Variants in AATF observed in about 807,000 individuals in gnomAD.
AATF encodes apoptosis antagonizing transcription factor, also known as protein AATF.
In AATF, 48 loss-of-function variants were observed where a neutral mutation model predicts 63.7. The observed-to-expected ratio is 0.75, with a 90% confidence interval of 0.60 to 0.96. The LOEUF is 0.96. Among genes scored for constraint, AATF ranks in the 40% least tolerant of loss-of-function variants. AATF has a pLI of 0.00. For synonymous variants in AATF, 258 were observed against 247.7 expected, an observed-to-expected ratio of 1.04 and a Z score of -0.39; for missense variants, 639 against 685.7, an observed-to-expected ratio of 0.93 and a Z score of 0.76.
chr17:37,001,395 A>AGGAGGGAGGGAGGGAG (rs71159677), intron 8 of AATF, among the ~76,000 whole-genome samples: 22 of 77,784 alleles, frequency 2.8e-4, no homozygotes, highest in Non-Finnish European at 2.1e-4. Flanking sequence ...AAGGTATGGG[A>AGGAGGGAGGGAGGGAG]GGAGGGAGGG....
chr17:36,988,686 A>G lies in AATF; in HGVS notation c.1115A>G (p.Asp372Gly). ...AACCGCACACTTCAGAAATGGCACG[A>G]TAAGACCAAACTGGCTTCTGGAAAA... is the stretch of plus-strand genomic sequence containing the variant. ...YRNRTLQKWH[D>G]KTKLASGKLG... Residue 372 changes from aspartate to glycine, a missense_variant, in exon 6 of 12, where the codon GAT (aspartate) becomes GGT (glycine). Asp to Gly is a moderately conservative substitution (Grantham distance 94). Coordinates refer to ENST00000619387, the MANE Select transcript of AATF (RefSeq NM_012138.4). The G allele has an allele frequency of 1.2e-6, 2 of 1,614,054 alleles. No individual in the cohort carries two copies. Among genetic ancestry groups the G allele is most frequent in the Non-Finnish European group, 1.7e-6 (2 of 1,179,962 alleles).
chr17:37,001,405 GAGGAAGGA>G (rs1212807271), intron 8 of AATF, among the ~76,000 whole-genome samples: 658 of 63,782 alleles, frequency 0.01, 11 homozygotes, highest in African/African-American at 0.037. Context: ...AGGAGGGAGG[GAGGAAGGA>G]AGGAAGGAAG....
At chr17:36,952,848 A>G in intron 2 of AATF, 38 bp from the exon 3 acceptor site, 1 of 1,595,240 alleles carries the variant, frequency 6.3e-7, no homozygotes, top group Non-Finnish European at 8.6e-7. Context: ...TCTCCAGGTA[A>G]TACCCATTTT....
intron 2 of AATF, 73 bp downstream of exon 2, chr17:36,950,478 C>T: frequency 7.0e-7 from 1 of 1,426,136 alleles, no homozygotes; most frequent in South Asian, 1.3e-5. Context: ...CGGTCATCCC[C>T]CATGATCTTT....
chr17:37,015,420 AG>A (rs1363970386), intron 8 of AATF, among the ~76,000 whole-genome samples: 1 of 152,162 alleles, frequency 6.6e-6, no homozygotes, highest in Non-Finnish European at 1.5e-5. Flanking sequence ...TTGTCTGGAG[AG>A]GGCTGCTGTC....
intron 11 of AATF, among the ~76,000 whole-genome samples, chr17:37,038,956 G>A (rs541467849): frequency 6.6e-6 from 1 of 152,242 alleles, no homozygotes; most frequent in Admixed American, 6.5e-5. Context: ...AGATGCCCTG[G>A]TATAATAGAA....
At chr17:36,958,205 C>G (rs2070917946) in intron 4 of AATF, among the ~76,000 whole-genome samples, 2 of 151,968 alleles carry the variant, frequency 1.3e-5, no homozygotes, top group Non-Finnish European at 2.9e-5. Flanking sequence ...CTCTGTCACC[C>G]AGGCTGGAGT....
chr17:36,953,814 G>A lies in AATF; in HGVS notation c.739G>A (p.Ala247Thr). ...LLEGRIKLQK[A>T]LLTTNQLPQP... ...GGAAGGAAGGATCAAACTACAAAAA[G>A]CTCTGTTGACCACCAACCAGCTTCC... is the stretch of plus-strand genomic sequence containing the variant. Residue 247 changes from alanine to threonine, a missense_variant, in exon 4 of 12, where the codon GCT becomes ACT. Coordinates refer to ENST00000619387, the MANE Select transcript of AATF (RefSeq NM_012138.4). The A allele has an allele frequency of 6.2e-7, 1 of 1,614,088 alleles. No homozygotes were observed. The highest frequency in any genetic ancestry group is 1.1e-5 in the South Asian group (1 of 91,082).
At chr17:37,023,201 A>G (rs2071486143) in intron 10 of AATF, among the ~76,000 whole-genome samples, 1 of 152,132 alleles carries the variant, frequency 6.6e-6, no homozygotes, top group Non-Finnish European at 1.5e-5. Context: ...TCATTTACTA[A>G]GTGGAGGTAA....
At chr17:36,976,806 A>G (rs945231793) in intron 4 of AATF, among the ~76,000 whole-genome samples, 2 of 152,240 alleles carry the variant, frequency 1.3e-5, no homozygotes, top group East Asian at 3.8e-4. Flanking sequence ...AAGAAACACA[A>G]TTAAAACAAT....
At chr17:36,981,480 G>A (rs994624253) in intron 4 of AATF, among the ~76,000 whole-genome samples, 9 of 149,970 alleles carry the variant, frequency 6.0e-5, no homozygotes, top group East Asian at 5.9e-4. Flanking sequence ...GTCTTGCTTC[G>A]TTACCCGGAC....
At chr17:36,990,424 TAAAG>T (rs1273370484) in intron 7 of AATF, among the ~76,000 whole-genome samples, 1 of 152,184 alleles carries the variant, frequency 6.6e-6, no homozygotes, top group Non-Finnish European at 1.5e-5. Context: ...GTGGAAGTGT[TAAAG>T]AAAATACACC....
At chr17:37,028,735 G>A (rs779703738) in intron 10 of AATF, among the ~76,000 whole-genome samples, 6 of 152,140 alleles carry the variant, frequency 3.9e-5, no homozygotes, top group Non-Finnish European at 8.8e-5. Context: ...GCAGTGAGCC[G>A]AGATAGCACC....
At chr17:37,039,911 G>A (rs922547472) in intron 11 of AATF, among the ~76,000 whole-genome samples, 1 of 152,204 alleles carries the variant, frequency 6.6e-6, no homozygotes, top group African/African-American at 2.4e-5. Context: ...TCTAGAAAGA[G>A]ATTTGTAGAT....
At chr17:37,009,416 A>AT (rs2071367983) in intron 8 of AATF, among the ~76,000 whole-genome samples, 1 of 151,196 alleles carries the variant, frequency 6.6e-6, no homozygotes, top group African/African-American at 2.4e-5. Flanking sequence ...AAGTACTAGG[A>AT]TTACAGGTGT....
chr17:37,031,513 TC>T, intron 10 of AATF, 100 bp from the exon 11 acceptor site: 1 of 971,346 alleles, frequency 1.0e-6, no homozygotes, highest in Non-Finnish European at 1.7e-6. Context: ...ACCCAGATGT[TC>T]CAGTGATCAG....
At chr17:37,028,498 G>A (rs1597732028) in intron 10 of AATF, among the ~76,000 whole-genome samples, 2 of 152,082 alleles carry the variant, frequency 1.3e-5, no homozygotes, top group South Asian at 4.2e-4. Flanking sequence ...AAAAAGTGAA[G>A]AATTAGACTG....
At chr17:37,011,745 T>C (rs1477742607) in intron 8 of AATF, among the ~76,000 whole-genome samples, 1 of 152,156 alleles carries the variant, frequency 6.6e-6, no homozygotes, top group Non-Finnish European at 1.5e-5. Context: ...TGTCAGTTGC[T>C]GCTTCAAGAA....
At chr17:36,950,184 T>C in intron 1 of AATF, 30 bp from the exon 2 acceptor site, 1 of 1,603,634 alleles carries the variant, frequency 6.2e-7, no homozygotes, top group Non-Finnish European at 8.5e-7. Flanking sequence ...AACCTGGAGA[T>C]TCTGTTTACT....
Sources: gnomAD v4.1 joint callset for allele counts (sites outside exome capture counted in the v4.1 genomes callset) on GRCh38, gnomAD v4.1.1 for gene constraint, MANE v1.5 for transcripts, NCBI Gene and HGNC (gene_info 2026-07-23, HGNC 2026-07-21) for gene names.